ACOXL: variants seen among roughly 807,000 people sequenced by gnomAD.
ACOXL encodes acyl-coenzyme A oxidase-like protein.
ACOXL carries 70 observed loss-of-function variants against 71.9 expected under a neutral mutation model. That is an observed-to-expected ratio of 0.97 (90% CI 0.80 to 1.19). The LOEUF is 1.19. ACOXL is among the 50% of genes most tolerant of loss of function. The pLI is 0.00. For missense variants in ACOXL, 703 were observed against 736.3 expected, an observed-to-expected ratio of 0.95 and a Z score of 0.52; for synonymous variants, 253 against 281.6, an observed-to-expected ratio of 0.90 and a Z score of 1.02.
In ACOXL at chr2:110,941,389, C is replaced by T. The variant is rs531902770; in HGVS notation, c.1059+7747C>T. Among the ~76,000 whole-genome samples, 31 of 152,284 alleles carry T rather than the reference C, an allele frequency of 2.0e-4. No individual in the cohort carries two copies. In the South Asian group the frequency reaches 5.2e-3, roughly 25 times the overall value. The stretch of plus-strand genomic sequence containing the variant: ...GTATGCTAAACAGTTTGCAAGACAC[C>T]GGACGTCACTGGACAGCTGCTGACA... On this transcript the variant is annotated intron_variant, in intron 12 of 17. Coordinates refer to ENST00000439055, the MANE Select transcript of ACOXL (RefSeq NM_001142807.4).
Position 110,993,408 on chromosome 2 carries a change from C to G in ACOXL, c.1170-2485C>G, listed in dbSNP as rs532445895. 1.9e-4 allele frequency among the ~76,000 whole-genome samples: 29 copies of G among 152,352 alleles called. No individual in the cohort carries two copies. The East Asian group carries it at 5.6e-3, about 29-fold the overall frequency. On this transcript the variant is annotated intron_variant, in intron 13 of 17. Transcript: ENST00000439055. ...CCAGGCAGTATGTACTCTTTTGTAG[C>G]TGCCTCGTGAAATTGGCATAATACT...
intron 14 of ACOXL, among the ~76,000 whole-genome samples, chr2:110,996,968 G>A (rs72834576): frequency 0.068 from 10,391 of 152,148 alleles, 444 homozygotes; most frequent in East Asian, 0.22. Flanking sequence ...TTTCCCCCAG[G>A]CGTAGATCTG....
rs1008461029 is a variant in ACOXL, at chr2:111,052,189, T to G, written c.1440+2901T>G. On this transcript the variant is annotated intron_variant, in intron 16 of 17. Coordinates refer to ENST00000439055, the MANE Select transcript of ACOXL (RefSeq NM_001142807.4). ...AGGAAAACAAGTGACTAGCCACCATTGCATAGCTAGTCAGCCGGCAATAGA... is the reference window on the plus strand; with the variant it reads ...AGGAAAACAAGTGACTAGCCACCATGGCATAGCTAGTCAGCCGGCAATAGA... 8.5e-5 allele frequency among the ~76,000 whole-genome samples: 13 copies of G among 152,158 alleles called. No homozygotes were observed. The East Asian group carries it at 1.5e-3, about 18-fold the overall frequency.
chr2:111,084,784 T>C lies in ACOXL; in HGVS notation c.1441-8081T>C, dbSNP rs573503795. On this transcript the variant is annotated intron_variant, in intron 16 of 17. Coordinates refer to ENST00000439055, the MANE Select transcript of ACOXL (RefSeq NM_001142807.4). ...AAAAGGCACAGAGTGGCCAGCTTGA[T>C]AAAGAGCAAGACCCAATAGTATGCT... is the stretch of plus-strand genomic sequence containing the variant. Among the ~76,000 whole-genome samples, 14 of 151,020 alleles carry C rather than the reference T, an allele frequency of 9.3e-5. No homozygotes were observed. In the East Asian group the frequency reaches 2.8e-3, roughly 30 times the overall value.
At chr2:110,898,970 AAATAT>A (rs1421948496) in intron 10 of ACOXL, among the ~76,000 whole-genome samples, 8 of 152,244 alleles carry the variant, frequency 5.3e-5, no homozygotes, top group East Asian at 1.9e-4. Flanking sequence ...TCAGAATTAA[AAATAT>A]AATATAATTT....
intron 10 of ACOXL, among the ~76,000 whole-genome samples, chr2:110,861,423 G>A (rs960372846): frequency 1.4e-4 from 21 of 151,924 alleles, no homozygotes; most frequent in Admixed American, 5.9e-4. Context: ...GAAAATTCAG[G>A]TGCCCATTTA....
chr2:110,878,603 AAAT>A (rs1287328555), intron 10 of ACOXL, among the ~76,000 whole-genome samples: 2 of 152,090 alleles, frequency 1.3e-5, no homozygotes, highest in Non-Finnish European at 2.9e-5. Context: ...TCTCTACTAA[AAAT>A]ACAAAAAAAT....
chr2:110,925,116 C>G (rs556269949), intron 11 of ACOXL, among the ~76,000 whole-genome samples: 1 of 152,324 alleles, frequency 6.6e-6, no homozygotes, highest in Admixed American at 6.5e-5. Context: ...ATTCAGTAAA[C>G]TATACTGTAA....
chr2:110,879,644 G>A (rs1271929116), intron 10 of ACOXL, among the ~76,000 whole-genome samples: 1 of 152,190 alleles, frequency 6.6e-6, no homozygotes, highest in Non-Finnish European at 1.5e-5. Context: ...TGACTGATTT[G>A]TGGGAGGGTA....
intron 10 of ACOXL, among the ~76,000 whole-genome samples, chr2:110,856,016 T>G (rs916474683): frequency 6.6e-6 from 1 of 152,226 alleles, no homozygotes; most frequent in Admixed American, 6.5e-5. Flanking sequence ...TCCCTGTGAT[T>G]GGCTACTTTT....
At position 110,793,683 on chromosome 2, in the gene ACOXL, A is replaced by G. The variant is rs769965867; in HGVS notation, c.193A>G (p.Ile65Val). Residue 65 changes from isoleucine to valine, a missense_variant, in exon 4 of 18, where the codon ATC (isoleucine) becomes GTC (valine). Coordinates refer to ENST00000439055, the MANE Select transcript of ACOXL (RefSeq NM_001142807.4). ...AATTTATTGGCTATTTGGTGGTGCT[A>G]TCAGGAATCTCGGAAGCCCTGAACA... ...GIIYWLFGGA[I>V]RNLGSPEHVT... 2.5e-5 allele frequency: 41 copies of G among 1,614,042 alleles called. No homozygotes were observed. The highest frequency in any genetic ancestry group is 3.1e-5 in the Non-Finnish European group (37 of 1,180,032).
chr2:110,793,546 A>G, intron 3 of ACOXL, 104 bp from the exon 4 acceptor site: 1 of 1,045,946 alleles, frequency 9.6e-7, no homozygotes, highest in Non-Finnish European at 1.5e-6. Flanking sequence ...GGTCAAGCAC[A>G]GGGGGCTGAA....
chr2:110,978,927 C>A (rs2062579440), intron 12 of ACOXL, among the ~76,000 whole-genome samples: 1 of 152,082 alleles, frequency 6.6e-6, no homozygotes, highest in African/African-American at 2.4e-5. Context: ...AACATGTATT[C>A]CAGCAACACT....
At chr2:111,000,811 C>T (rs1393118056) in intron 14 of ACOXL, among the ~76,000 whole-genome samples, 1 of 152,208 alleles carries the variant, frequency 6.6e-6, no homozygotes, top group Non-Finnish European at 1.5e-5. Flanking sequence ...ACCCTAATTA[C>T]CTCATTTTAA....
At chr2:110,785,713 A>C (rs1683881226) in intron 3 of ACOXL, among the ~76,000 whole-genome samples, 1 of 152,170 alleles carries the variant, frequency 6.6e-6, no homozygotes, top group Non-Finnish European at 1.5e-5. Context: ...TAATGTGAAA[A>C]GTGCTGCTGT....
At chr2:110,966,128 A>G (rs1237020986) in intron 12 of ACOXL, among the ~76,000 whole-genome samples, 1 of 151,972 alleles carries the variant, frequency 6.6e-6, no homozygotes, top group Non-Finnish European at 1.5e-5. Context: ...CAGGGGTAGT[A>G]CTCCCATCCC....
intron 1 of ACOXL, among the ~76,000 whole-genome samples, chr2:110,750,899 G>A (rs1378200093): frequency 6.6e-6 from 1 of 151,996 alleles, no homozygotes; most frequent in Non-Finnish European, 1.5e-5. Flanking sequence ...TGCCCAGGCT[G>A]ATCTTGAACT....
At chr2:110,753,841 A>G (rs1679318842) in intron 1 of ACOXL, among the ~76,000 whole-genome samples, 1 of 152,194 alleles carries the variant, frequency 6.6e-6, no homozygotes. Flanking sequence ...ATGACAAAGT[A>G]TGACAGTTAT....
At chr2:111,085,403 G>A (rs1296162084) in intron 16 of ACOXL, among the ~76,000 whole-genome samples, 1 of 152,090 alleles carries the variant, frequency 6.6e-6, no homozygotes, top group East Asian at 1.9e-4. Flanking sequence ...AGCAATAAAA[G>A]TAGAAATCAA....
Sources: gnomAD v4.1 joint callset for allele counts (sites outside exome capture counted in the v4.1 genomes callset) on GRCh38, gnomAD v4.1.1 for gene constraint, MANE v1.5 for transcripts, NCBI Gene and HGNC (gene_info 2026-07-23, HGNC 2026-07-21) for gene names.